Variants in PPP2R3A observed in about 807,000 individuals in gnomAD.
PPP2R3A encodes the protein serine/threonine-protein phosphatase 2A regulatory subunit B'' subunit alpha.
In PPP2R3A, 80 loss-of-function variants were observed where a neutral mutation model predicts 106.9. The observed-to-expected ratio is 0.75, with a 90% confidence interval of 0.62 to 0.90. PPP2R3A has a LOEUF of 0.90. Ranked by LOEUF, PPP2R3A falls within the 40% of genes least tolerant of loss-of-function variation. PPP2R3A has a pLI of 0.00. For missense variants in PPP2R3A, 1,386 were observed against 1,350.4 expected (o/e 1.03, Z -0.41); for synonymous variants, 483 against 468.3 (o/e 1.03, Z -0.41).
In PPP2R3A at chr3:136,003,077, C is replaced by G. The variant is rs767694067; in HGVS notation, c.1579C>G (p.Leu527Val). Residue 527 changes from leucine to valine, a missense_variant, in exon 2 of 14, where the codon CTA becomes GTA. Transcript: ENST00000264977. ...ESFSQKMETSLREPLAKGKNS... is the reference protein window; with the variant it reads ...ESFSQKMETSVREPLAKGKNS... ...TTTTTCACAGAAGATGGAGACCTCTCTAAGAGAGCCACTTGCGAAGGGTAA... is the reference window on the plus strand; with the variant it reads ...TTTTTCACAGAAGATGGAGACCTCTGTAAGAGAGCCACTTGCGAAGGGTAA... The G allele has an allele frequency of 6.2e-7, 1 of 1,611,336 alleles. No individual in the cohort carries two copies. Among genetic ancestry groups the G allele is most frequent in the Admixed American group, 1.7e-5 (1 of 59,376 alleles).
chr3:136,097,307 C>T (rs1298085330), intron 10 of PPP2R3A, among the ~76,000 whole-genome samples: 1 of 152,176 alleles, frequency 6.6e-6, no homozygotes. Flanking sequence ...CCAGCCCCTG[C>T]TGCTAAACTT....
chr3:136,036,039 C>T (rs572643685), intron 3 of PPP2R3A, among the ~76,000 whole-genome samples: 1 of 151,774 alleles, frequency 6.6e-6, no homozygotes, highest in African/African-American at 2.4e-5. Flanking sequence ...GAGCATTTTG[C>T]GTTTCTATAA....
intron 12 of PPP2R3A, among the ~76,000 whole-genome samples, chr3:136,104,375 C>T (rs1937461898): frequency 1.3e-5 from 2 of 151,100 alleles, no homozygotes; most frequent in Admixed American, 6.6e-5. Flanking sequence ...GGTGTGATCT[C>T]GGCTCACCGC....
At chr3:136,039,561 G>T (rs997741269) in intron 3 of PPP2R3A, among the ~76,000 whole-genome samples, 1 of 152,076 alleles carries the variant, frequency 6.6e-6, no homozygotes, top group Non-Finnish European at 1.5e-5. Context: ...TAGATCCCTT[G>T]CATGCACAGT....
At position 136,041,250 on chromosome 3, in the gene PPP2R3A, G is replaced by GTTTTTTTTTTTTTTTTTTTTTT. The variant is rs1246326384; in HGVS notation, c.2366+299_2366+300insTTTTTTTTTTTTTTTTTTTTTT. Reference sequence around the variant, plus strand: ...CTTGGTTTTTCTTGTTTTTTTTTTTGTTTTTTTTTTTGTTTTTTTTTTTTT... The same window carrying GTTTTTTTTTTTTTTTTTTTTTT: ...CTTGGTTTTTCTTGTTTTTTTTTTTGTTTTTTTTTTTTTTTTTTTTTTTTTTTTTTTTTGTTTTTTTTTTTTT... On this transcript the variant is annotated intron_variant, in intron 4 of 13. Transcript: ENST00000264977. Among the ~76,000 whole-genome samples, 66 of 56,554 alleles carry GTTTTTTTTTTTTTTTTTTTTTT rather than the reference G, an allele frequency of 1.2e-3. 9 individuals carry two copies. Among genetic ancestry groups the GTTTTTTTTTTTTTTTTTTTTTT allele is most frequent in the East Asian group, 2.3e-3 (5 of 2,202 alleles). The allele number at this position is 56,554 out of a possible 152,430, so 37.1% of individuals were successfully genotyped here.
chr3:136,092,597 A>G (rs935370490), intron 10 of PPP2R3A, among the ~76,000 whole-genome samples: 3 of 152,222 alleles, frequency 2.0e-5, no homozygotes, highest in Non-Finnish European at 4.4e-5. Context: ...TGTAGGACTC[A>G]TATTTCCCTA....
intron 2 of PPP2R3A, among the ~76,000 whole-genome samples, chr3:136,023,741 C>T (rs1436392112): frequency 6.6e-5 from 10 of 151,996 alleles, no homozygotes; most frequent in Non-Finnish European, 1.3e-4. Flanking sequence ...ATGTAGATAA[C>T]AAAGACTGGT....
rs142820439 is a variant in PPP2R3A, at chr3:136,082,501, C to T, written c.2788+80C>T. 9.0e-5 allele frequency: 135 copies of T among 1,498,376 alleles called. 1 individual carries two copies. The highest frequency in any genetic ancestry group is 1.1e-4 in the Non-Finnish European group (119 of 1,092,134). The allele number at this position is 1,498,376 out of a possible 1,614,324, so 92.8% of individuals were successfully genotyped here. A position where few individuals can be genotyped will look rare whatever the true frequency, so the allele number is the denominator to read the frequency against. Reference sequence around the variant, plus strand: ...ATCACTACTCATTATGAGAAATTCCCGTTTGCTAAATTCTAAACCTAATCA... The same window carrying T: ...ATCACTACTCATTATGAGAAATTCCTGTTTGCTAAATTCTAAACCTAATCA... On this transcript the variant is annotated intron_variant, in intron 8 of 13. Transcript: ENST00000264977.
At chr3:135,991,546 G>C (rs1264127558) in intron 1 of PPP2R3A, among the ~76,000 whole-genome samples, 1 of 147,012 alleles carries the variant, frequency 6.8e-6, no homozygotes, top group Non-Finnish European at 1.5e-5. Context: ...CAGATTACAT[G>C]CATTAAATAT....
In PPP2R3A at chr3:136,055,449, G is replaced by T; in HGVS notation, c.2469+6088G>T. 3.6e-6 allele frequency: 4 copies of T among 1,110,074 alleles called. No homozygotes were observed. The South Asian group carries it at 3.7e-5, about 10-fold the overall frequency. 68.8% of individuals were successfully genotyped at this position (1,110,074 alleles called of 1,614,324 possible). A position where few individuals can be genotyped will look rare whatever the true frequency, so the allele number is the denominator to read the frequency against. Reference sequence around the variant, plus strand: ...ATAATGCAAATGCTTAAGGCACAAAGTGTAAATGTGAAGACACAGCTCTTT... The same window carrying T: ...ATAATGCAAATGCTTAAGGCACAAATTGTAAATGTGAAGACACAGCTCTTT... On this transcript the variant is annotated intron_variant, in intron 5 of 13. Transcript: ENST00000264977.
At chr3:136,069,692 G>A (rs1447093749) in intron 5 of PPP2R3A, among the ~76,000 whole-genome samples, 1 of 152,208 alleles carries the variant, frequency 6.6e-6, no homozygotes, top group Non-Finnish European at 1.5e-5. Context: ...TGAAGAAACA[G>A]AAGAGATATA....
intron 1 of PPP2R3A, among the ~76,000 whole-genome samples, chr3:135,981,887 A>G (rs1244163623): frequency 2.0e-5 from 3 of 151,728 alleles, no homozygotes; most frequent in Non-Finnish European, 2.9e-5. Flanking sequence ...ATTAAAGGCC[A>G]TGGGAGAGGA....
At position 136,001,450 on chromosome 3, in the gene PPP2R3A, A is replaced by C. The variant is rs1347578492; in HGVS notation, c.-49A>C. 1 of 1,477,722 alleles carries C rather than the reference A, an allele frequency of 6.8e-7. No individual in the cohort carries two copies. Among genetic ancestry groups the C allele is most frequent in the Non-Finnish European group, 9.2e-7 (1 of 1,082,400 alleles). The allele number at this position is 1,477,722 out of a possible 1,614,324, so 91.5% of individuals were successfully genotyped here. Reference sequence around the variant, plus strand: ...CTGTCATTTAGGAGAATTTTCATGAAACAAGTTCTAGAAAGTTCCAAGTCC... The same window carrying C: ...CTGTCATTTAGGAGAATTTTCATGACACAAGTTCTAGAAAGTTCCAAGTCC... On this transcript the variant is annotated 5_prime_UTR_variant, in exon 2 of 14. Coordinates refer to ENST00000264977, the MANE Select transcript of PPP2R3A (RefSeq NM_002718.5).
chr3:136,063,904 A>G (rs1183167226), intron 5 of PPP2R3A, among the ~76,000 whole-genome samples: 3 of 150,312 alleles, frequency 2.0e-5, no homozygotes, highest in African/African-American at 7.5e-5. Context: ...TGACCCAGCC[A>G]TCCCATTACT....
rs1206335696 is a variant in PPP2R3A at position 136,030,778 on chromosome 3, A to ATATATATATATATG, written c.2262+3683_2262+3684insATATATATATGTAT. Among the ~76,000 whole-genome samples, 138 of 111,276 alleles carry ATATATATATATATG rather than the reference A, an allele frequency of 1.2e-3. 1 individual carries two copies. Among genetic ancestry groups the ATATATATATATATG allele is most frequent in the Middle Eastern group, 4.0e-3 (1 of 252 alleles). 73.0% of individuals were successfully genotyped at this position (111,276 alleles called of 152,430 possible). ...TTCCATCACATATATATATATATAT[A>ATATATATATATATG]TATGTATGTATGTATGTATGTATGT... On this transcript the variant is annotated intron_variant, in intron 3 of 13. Coordinates refer to ENST00000264977, the MANE Select transcript of PPP2R3A (RefSeq NM_002718.5).
At chr3:135,969,398 G>T (rs1175436092) in intron 1 of PPP2R3A, among the ~76,000 whole-genome samples, 1 of 152,182 alleles carries the variant, frequency 6.6e-6, no homozygotes, top group Admixed American at 6.5e-5. Flanking sequence ...AGGGAGAAAT[G>T]AGATCCTAAG....
chr3:136,040,220 T>G, intron 3 of PPP2R3A, among the ~76,000 whole-genome samples: 1 of 152,318 alleles, frequency 6.6e-6, no homozygotes, highest in East Asian at 1.9e-4. Flanking sequence ...AGTCATTTCT[T>G]TTTCTTTCTA....
At chr3:135,990,414 A>C (rs1032555683) in intron 1 of PPP2R3A, among the ~76,000 whole-genome samples, 3 of 152,162 alleles carry the variant, frequency 2.0e-5, no homozygotes, top group African/African-American at 7.2e-5. Flanking sequence ...GGAGCTCAAT[A>C]AATACCTCTT....
chr3:136,103,798 G>C (rs1301844887), intron 12 of PPP2R3A, among the ~76,000 whole-genome samples: 1 of 152,144 alleles, frequency 6.6e-6, no homozygotes, highest in Non-Finnish European at 1.5e-5. Flanking sequence ...GTAAAAACTA[G>C]AGTTCTCCAT....
Sources: allele counts gnomAD v4.1 joint callset (sites outside exome capture counted in the v4.1 genomes callset), GRCh38; gene constraint gnomAD v4.1.1; transcripts MANE v1.5; gene names NCBI Gene and HGNC (gene_info 2026-07-23, HGNC 2026-07-21).